Variants in CADM2 observed in about 807,000 individuals in gnomAD.
CADM2 encodes the protein immunoglobulin superfamily member 4D.
CADM2 carries 12 observed loss-of-function variants against 49.8 expected under a neutral mutation model. The observed-to-expected ratio is 0.24, with a 90% CI of 0.15 to 0.39. The LOEUF (loss-of-function observed/expected upper bound fraction) is 0.39, where lower values mean the gene tolerates loss of function less well. CADM2 is among the 10% of genes least tolerant of loss of function. The probability of loss-of-function intolerance (pLI) is 1.00; values close to 1 mark genes in which losing one functional copy is unlikely to be tolerated. For synonymous variants in CADM2, 214 were observed against 175.4 expected (o/e 1.22, Z -1.74); for missense variants, 378 against 492.3 (o/e 0.77, Z 2.20).
intron 1 of CADM2, among the ~76,000 whole-genome samples, chr3:85,555,388 T>C (rs2061933228): frequency 6.6e-6 from 1 of 152,172 alleles, no homozygotes; most frequent in African/African-American, 2.4e-5. Context: ...TTATTCTTGA[T>C]TTAAAATAAC....
intron 1 of CADM2, among the ~76,000 whole-genome samples, chr3:85,003,358 T>G (rs981634411): frequency 6.6e-6 from 1 of 152,138 alleles, no homozygotes; most frequent in African/African-American, 2.4e-5. Context: ...CCTTGATTTT[T>G]CAAAGATGAG....
intron 1 of CADM2, among the ~76,000 whole-genome samples, chr3:85,721,780 C>G (rs2067513553): frequency 6.6e-6 from 1 of 152,224 alleles, no homozygotes; most frequent in African/African-American, 2.4e-5. Context: ...CGAAGGGCCA[C>G]AGCTCTTCTT....
chr3:86,017,168 G>GTATA lies in CADM2; in HGVS notation c.971-48414_971-48411dup, dbSNP rs138958837. On this transcript the variant is annotated intron_variant, in intron 8 of 9. Transcript: ENST00000383699. ...TGTATATATATGTGTGTGTGTGTGT[G>GTATA]TATATATATATATATATATATATAT... Among the ~76,000 whole-genome samples the GTATA allele has an allele frequency of 2.2e-3, 311 of 141,538 alleles. 1 individual carries two copies. Among genetic ancestry groups the GTATA allele is most frequent in the East Asian group, 0.011 (52 of 4,754 alleles). 92.9% of individuals were successfully genotyped at this position (141,538 alleles called of 152,430 possible). A position where few individuals can be genotyped will look rare whatever the true frequency, so the allele number is the denominator to read the frequency against.
intron 1 of CADM2, 71 bp downstream of exon 1, chr3:84,959,739 T>C: frequency 7.3e-7 from 1 of 1,370,134 alleles, no homozygotes. Context: ...CCACCCCATA[T>C]TTCCACTCTC....
intron 8 of CADM2, among the ~76,000 whole-genome samples, chr3:85,972,267 C>A (rs1379322213): frequency 6.6e-6 from 1 of 151,590 alleles, no homozygotes; most frequent in Non-Finnish European, 1.5e-5. Context: ...CAATGTCAGT[C>A]AGTGCAATTA....
At chr3:85,772,618 G>A (rs926044676) in intron 2 of CADM2, among the ~76,000 whole-genome samples, 18 of 151,932 alleles carry the variant, frequency 1.2e-4, no homozygotes, top group African/African-American at 4.1e-4. Context: ...TAATAAGCAG[G>A]GAATGTTAAC....
intron 6 of CADM2, among the ~76,000 whole-genome samples, chr3:85,930,022 T>C (rs1720393054): frequency 6.6e-6 from 1 of 152,018 alleles, no homozygotes; most frequent in Non-Finnish European, 1.5e-5. Flanking sequence ...TTGTGGTTAA[T>C]AAAAAGGCAT....
chr3:85,937,075 T>G (rs2108541917), intron 7 of CADM2, among the ~76,000 whole-genome samples: 3 of 151,948 alleles, frequency 2.0e-5, no homozygotes, highest in Middle Eastern at 6.8e-3. Context: ...CTTACAACGA[T>G]TCTTTGATTC....
rs1423067306 is a variant in CADM2 at position 85,635,611 on chromosome 3, T to A, written c.62-90911T>A. Among the ~76,000 whole-genome samples, 4 of 152,196 alleles carry A rather than the reference T, an allele frequency of 2.6e-5. No homozygotes were observed. In the East Asian group the frequency reaches 5.8e-4, roughly 22 times the overall value. Reference sequence around the variant, plus strand: ...CCTTTTTACTATTCTAGAGCTGCCTTTATCTTGTAACATTAGTGTAATAAT... The same window carrying A: ...CCTTTTTACTATTCTAGAGCTGCCTATATCTTGTAACATTAGTGTAATAAT... On this transcript the variant is annotated intron_variant, in intron 1 of 9. Coordinates refer to ENST00000383699, the MANE Select transcript of CADM2 (RefSeq NM_001167675.2).
chr3:85,711,570 G>A (rs1210036917), intron 1 of CADM2, among the ~76,000 whole-genome samples: 2 of 152,144 alleles, frequency 1.3e-5, no homozygotes, highest in African/African-American at 2.4e-5. Flanking sequence ...GTTGTTGCTT[G>A]TTGTAGGTTT....
intron 1 of CADM2, among the ~76,000 whole-genome samples, chr3:85,541,596 T>C (rs1229322912): frequency 1.3e-5 from 2 of 149,966 alleles, no homozygotes; most frequent in African/African-American, 4.9e-5. Context: ...GGTCCACTCA[T>C]TGTATAACCT....
chr3:85,400,229 C>T (rs1371726739), intron 1 of CADM2, among the ~76,000 whole-genome samples: 1 of 152,040 alleles, frequency 6.6e-6, no homozygotes, highest in Non-Finnish European at 1.5e-5. Context: ...GTCTTTGGTT[C>T]TGTTTATATG....
intron 2 of CADM2, among the ~76,000 whole-genome samples, chr3:85,763,094 G>T (rs2069473007): frequency 6.6e-6 from 1 of 152,098 alleles, no homozygotes. Context: ...CTTAAAGGAA[G>T]AAGTGCTTTT....
chr3:85,647,680 AC>A (rs1460987238), intron 1 of CADM2, among the ~76,000 whole-genome samples: 12 of 151,980 alleles, frequency 7.9e-5, no homozygotes, highest in Non-Finnish European at 1.6e-4. Context: ...AGAACAAAAG[AC>A]AAAAAATATT....
chr3:85,636,133 C>T (rs1329208026), intron 1 of CADM2, among the ~76,000 whole-genome samples: 1 of 152,196 alleles, frequency 6.6e-6, no homozygotes, highest in African/African-American at 2.4e-5. Flanking sequence ...AGAACAGCCT[C>T]AGGCAAGTCC....
intron 1 of CADM2, chr3:85,511,874 T>G (rs1437487510): frequency 1.0e-6 from 1 of 982,970 alleles, no homozygotes; most frequent in Non-Finnish European, 1.2e-6. Flanking sequence ...CATTAATCAT[T>G]CCAGTGTAAT....
Position 85,311,676 on chromosome 3 carries a change from G to A in CADM2, c.61+352008G>A, listed in dbSNP as rs188241745. Among the ~76,000 whole-genome samples, 552 of 152,044 alleles carry A rather than the reference G, an allele frequency of 3.6e-3. 5 individuals carry two copies. Among genetic ancestry groups the A allele is most frequent in the African/African-American group, 0.013 (525 of 41,480 alleles). On this transcript the variant is annotated intron_variant, in intron 1 of 9. Transcript: ENST00000383699. ...CAGGCGTGAGCCACCACGCCCGGCC[G>A]CATCATTTTTATTTTAAAGTTGGGA...
At chr3:85,386,822 GA>G (rs1360756194) in intron 1 of CADM2, among the ~76,000 whole-genome samples, 1 of 152,146 alleles carries the variant, frequency 6.6e-6, no homozygotes, top group African/African-American at 2.4e-5. Context: ...ATATTTGCCA[GA>G]AAACACAGAA....
intron 1 of CADM2, among the ~76,000 whole-genome samples, chr3:85,229,467 G>C (rs1351351315): frequency 1.3e-5 from 2 of 152,032 alleles, no homozygotes; most frequent in Non-Finnish European, 2.9e-5. Flanking sequence ...TGCACCTACT[G>C]TCCAACCAGT....
Sources: allele counts gnomAD v4.1 joint callset (sites outside exome capture counted in the v4.1 genomes callset), GRCh38; gene constraint gnomAD v4.1.1; transcripts MANE v1.5; gene names NCBI Gene and HGNC (gene_info 2026-07-23, HGNC 2026-07-21).